The following ADAMTS10 variants were observed in gnomAD, a reference collection of about 807,000 sequenced individuals.
The protein encoded by ADAMTS10 is ADAM metallopeptidase with thrombospondin type 1 motif 10, also known as A disintegrin and metalloproteinase with thrombospondin motifs 10.
ADAMTS10 carries 48 observed loss-of-function variants against 135.9 expected under a neutral mutation model. That is an observed-to-expected ratio of 0.35 (90% CI 0.28 to 0.45). The LOEUF (loss-of-function observed/expected upper bound fraction) is 0.45, where lower values mean the gene tolerates loss of function less well. ADAMTS10 is among the 20% of genes least tolerant of loss of function. The pLI, the probability that ADAMTS10 is intolerant of heterozygous loss-of-function variation, is 1.00. For synonymous variants in ADAMTS10, 621 were observed against 647.5 expected (o/e 0.96, Z 0.62); for missense variants, 1,131 against 1,565.2 (o/e 0.72, Z 4.68).
At chr19:8,598,767 A>G (rs7253601) in intron 6 of ADAMTS10, among the ~76,000 whole-genome samples, 67,351 of 150,826 alleles carry the variant, frequency 0.45, 15,713 homozygotes, top group East Asian at 0.81. Flanking sequence ...TAGGGACAGG[A>G]TTTCACCATG....
rs2042604255 is a variant in ADAMTS10, at chr19:8,596,344, C to G, written c.1153G>C (p.Ala385Pro). 1 of 1,612,840 alleles carries G rather than the reference C, an allele frequency of 6.2e-7. No homozygotes were observed. Among genetic ancestry groups the G allele is most frequent in the Non-Finnish European group, 8.5e-7 (1 of 1,179,862 alleles). Residue 385 changes from alanine to proline, a missense_variant, in exon 10 of 26, where the codon GCC becomes CCC. Around this residue, in one of 3 missense-constraint regions of ADAMTS10, gnomAD observed 745 missense variants for 1,056.3 expected, o/e 0.71. Coordinates refer to ENST00000597188, the MANE Select transcript of ADAMTS10 (RefSeq NM_030957.4). The surrounding 1 kb of genome is among the most constrained non-coding windows in gnomAD (Gnocchi z 7.2). The part of the protein sequence containing the change: ...SCSVNEDIGL[A>P]TAFTIAHEIG... ...TCGTGGGCAATGGTGAACGCTGTGG[C>G]CAGGCCAATGTCCTCATTGACGCTG... is the stretch of plus-strand genomic sequence containing the variant.
At chr19:8,603,644 T>C in intron 5 of ADAMTS10, 84 bp downstream of exon 5, 1 of 1,584,716 alleles carries the variant, frequency 6.3e-7, no homozygotes, top group Non-Finnish European at 8.6e-7. Context: ...AACTGCCTGC[T>C]GACTTTCTGG....
intron 15 of ADAMTS10, among the ~76,000 whole-genome samples, chr19:8,590,561 T>C (rs2042510205): frequency 6.6e-6 from 1 of 151,734 alleles, no homozygotes; most frequent in Non-Finnish European, 1.5e-5. Flanking sequence ...TGGATTCAAG[T>C]GATTCTCCTG....
intron 18 of ADAMTS10, 84 bp downstream of exon 18, chr19:8,589,158 T>A (rs1555738036): frequency 1.3e-6 from 2 of 1,596,536 alleles, no homozygotes; most frequent in African/African-American, 2.7e-5. Flanking sequence ...GAGTTAGTGA[T>A]CTCAGCTACT....
chr19:8,592,208 C>CGGGATCGGGCTGGAAG, intron 13 of ADAMTS10, 105 bp from the exon 14 acceptor site: 1 of 1,571,880 alleles, frequency 6.4e-7, no homozygotes, highest in Non-Finnish European at 8.6e-7. Flanking sequence ...TCAGCCTCTC[C>CGGGATCGGGCTGGAAG]GGGATGGGCA....
At position 8,596,060 on chromosome 19, in the gene ADAMTS10, G is replaced by C. The variant is rs1330372868; in HGVS notation, c.1337+13C>G. On this transcript the variant is annotated intron_variant, in intron 11 of 25. Coordinates refer to ENST00000597188, the MANE Select transcript of ADAMTS10 (RefSeq NM_030957.4). This position sits in a 1 kb window ranked among gnomAD's most constrained non-coding sequence, Gnocchi z 7.2. Reference sequence around the variant, plus strand: ...TGTGACCCGCTCTGAGGGACACCCAGGTGCATCCTCACTCTAGAAAGCTGG... The same window carrying C: ...TGTGACCCGCTCTGAGGGACACCCACGTGCATCCTCACTCTAGAAAGCTGG... 1 of 1,614,036 alleles carries C rather than the reference G, an allele frequency of 6.2e-7. No individual in the cohort carries two copies. The highest frequency in any genetic ancestry group is 1.3e-5 in the African/African-American group (1 of 74,942).
chr19:8,591,866 G>T lies in ADAMTS10; in HGVS notation c.1734-3C>A. ...AGTACTTGCCCCCGATGGTTGGCCTGGAAAGGGTGGTGGGATAGGAGAGGG... is the reference window on the plus strand; with the variant it reads ...AGTACTTGCCCCCGATGGTTGGCCTTGAAAGGGTGGTGGGATAGGAGAGGG... On this transcript the variant is annotated splice_region_variant and splice_polypyrimidine_tract_variant and intron_variant, in intron 14 of 25. Coordinates refer to ENST00000597188, the MANE Select transcript of ADAMTS10 (RefSeq NM_030957.4). 6.2e-7 allele frequency: 1 copy of T among 1,613,488 alleles called. No homozygotes were observed. The highest frequency in any genetic ancestry group is 8.5e-7 in the Non-Finnish European group (1 of 1,180,014).
intron 13 of ADAMTS10, 194 bp from the exon 14 acceptor site, chr19:8,592,297 G>C: frequency 1.7e-6 from 2 of 1,144,102 alleles, no homozygotes; most frequent in South Asian, 3.0e-5. Flanking sequence ...ACAAGCGAGA[G>C]GCGTGGCCTG....
intron 2 of ADAMTS10, among the ~76,000 whole-genome samples, chr19:8,606,061 T>C (rs939227573): frequency 1.3e-5 from 2 of 152,178 alleles, no homozygotes; most frequent in African/African-American, 4.8e-5. Context: ...CACCACTGCA[T>C]TTCTGTTCTT....
chr19:8,580,882 C>T lies in ADAMTS10; in HGVS notation c.*11G>A, dbSNP rs542398480. On this transcript the variant is annotated 3_prime_UTR_variant, in exon 26 of 26. Transcript: ENST00000597188. ...ACCCCGCCAGCTGTGGCTCCGGGTG[C>T]CGCGCGCCCCCTAGTGGCCATGGCA... is the stretch of plus-strand genomic sequence containing the variant. The T allele has an allele frequency of 2.5e-6, 4 of 1,591,014 alleles. No homozygotes were observed. The African/African-American group carries it at 5.4e-5, about 21-fold the overall frequency.
At chr19:8,608,623 T>A (rs1416296690) in intron 1 of ADAMTS10, among the ~76,000 whole-genome samples, 2 of 151,994 alleles carry the variant, frequency 1.3e-5, no homozygotes, top group African/African-American at 4.8e-5. Context: ...CCCTCCCTCC[T>A]CTCCTGTTCT....
In ADAMTS10 at chr19:8,586,395, A is replaced by AG. The variant is rs782021502; in HGVS notation, c.2478dup (p.Tyr827LeufsTer19). 1 of 1,613,834 alleles carries AG rather than the reference A, an allele frequency of 6.2e-7. No individual in the cohort carries two copies. Reference sequence around the variant, plus strand: ...GTCCAGGGCGCATAGTGCCAGGAGTAGGGGGGCAGCGAGTCACGGGCGATG... The same window carrying AG: ...GTCCAGGGCGCATAGTGCCAGGAGTAGGGGGGGCAGCGAGTCACGGGCGATG... On this transcript the variant is annotated frameshift_variant, in exon 21 of 26. Transcript: ENST00000597188. LOFTEE classifies it high-confidence loss of function.
intron 18 of ADAMTS10, among the ~76,000 whole-genome samples, chr19:8,588,401 C>T (rs539700892): frequency 3.3e-5 from 5 of 152,018 alleles, no homozygotes; most frequent in South Asian, 2.1e-4. Flanking sequence ...TTGATGCCAG[C>T]GGCCAGGCTG....
At chr19:8,587,333 CTTTTTT>C (rs559435857) in intron 18 of ADAMTS10, among the ~76,000 whole-genome samples, 319 of 77,470 alleles carry the variant, frequency 4.1e-3, no homozygotes, top group Admixed American at 6.3e-3. Context: ...ACTAAAAAAC[CTTTTTT>C]TTTTTTTTTT....
At position 8,592,017 on chromosome 19, in the gene ADAMTS10, G is replaced by T; in HGVS notation, c.1674C>A (p.Asp558Glu). ...CGCCGCCGCCACAGGTCCGGCTGCA[G>T]TCGCCCCATGGAGTCCACGGCCCCC... is the stretch of plus-strand genomic sequence containing the variant. ...GAWGPWTPWGDCSRTCGGGVS... is the reference protein window; with the variant it reads ...GAWGPWTPWGECSRTCGGGVS... The change falls in exon 14 of 26, where the codon GAC becomes GAA. Residue 558 changes from aspartate (D) to glutamate (E), a missense_variant. Around this residue, in one of 3 missense-constraint regions of ADAMTS10, gnomAD observed 745 missense variants for 1,056.3 expected, o/e 0.71. Transcript: ENST00000597188. 6.2e-7 allele frequency: 1 copy of T among 1,613,824 alleles called. No individual in the cohort carries two copies. The highest frequency in any genetic ancestry group is 8.5e-7 in the Non-Finnish European group (1 of 1,179,884).
chr19:8,598,308 CT>C (rs2042627286), intron 6 of ADAMTS10, among the ~76,000 whole-genome samples: 2 of 152,124 alleles, frequency 1.3e-5, no homozygotes, highest in South Asian at 4.1e-4. Flanking sequence ...GCTTACCCCC[CT>C]GACTGCCTCA....
intron 1 of ADAMTS10, among the ~76,000 whole-genome samples, chr19:8,609,234 C>CTGTGTGTGTG (rs35269308): frequency 2.1e-5 from 3 of 139,834 alleles, no homozygotes; most frequent in African/African-American, 5.3e-5. Context: ...GTGTGTGACC[C>CTGTGTGTGTG]TGTGTGTGTG....
chr19:8,597,176 G>GGGAC (rs782435253), intron 7 of ADAMTS10, 44 bp from the exon 8 acceptor site: 1 of 1,614,160 alleles, frequency 6.2e-7, no homozygotes. Flanking sequence ...CACCACCCAG[G>GGGAC]GGACGGCAGG....
intron 6 of ADAMTS10, among the ~76,000 whole-genome samples, chr19:8,599,966 C>T (rs1453038890): frequency 6.6e-6 from 1 of 152,034 alleles, no homozygotes; most frequent in Non-Finnish European, 1.5e-5. Context: ...TCCTGAGTAG[C>T]TGGGATTACA....
Sources: gnomAD v4.1 joint callset for allele counts (sites outside exome capture counted in the v4.1 genomes callset) on GRCh38, gnomAD v4.1.1 for gene constraint, gnomAD v4.1.1 regional missense constraint, Gnocchi (gnomAD v3.1) non-coding constraint, MANE v1.5 for transcripts, NCBI Gene and HGNC (gene_info 2026-07-23, HGNC 2026-07-21) for gene names.